Variants in CYTH1 observed in about 807,000 individuals in gnomAD.
The protein encoded by CYTH1 is cytohesin 1.
In CYTH1, 18 loss-of-function variants were observed where a neutral mutation model predicts 61.8. The ratio of observed to expected loss-of-function variants is 0.29; its 90% confidence interval spans 0.20 to 0.43. The LOEUF is 0.43. Ranked by LOEUF, CYTH1 falls within the 20% of genes least tolerant of loss-of-function variation. CYTH1 has a pLI of 1.00. For synonymous variants in CYTH1, 174 were observed against 184.3 expected (o/e 0.94, Z 0.45); for missense variants, 336 against 510.5 (o/e 0.66, Z 3.29).
At chr17:78,743,037 T>C (rs1318070318) in intron 1 of CYTH1, among the ~76,000 whole-genome samples, 3 of 152,182 alleles carry the variant, frequency 2.0e-5, no homozygotes, top group Non-Finnish European at 2.9e-5. Flanking sequence ...GTGTGGGCAT[T>C]TGTCCTGTGA....
intron 1 of CYTH1, chr17:78,736,656 C>T (rs769903187): frequency 3.5e-5 from 12 of 347,354 alleles, no homozygotes; most frequent in Admixed American, 1.4e-4. Context: ...CCCCAAGCCG[C>T]ATCAGTCCCG....
At chr17:78,688,644 C>A (rs1033970465) in intron 11 of CYTH1, among the ~76,000 whole-genome samples, 1 of 152,210 alleles carries the variant, frequency 6.6e-6, no homozygotes, top group Admixed American at 6.5e-5. Flanking sequence ...GCTTTCAGCG[C>A]AGACATATTT....
chr17:78,686,947 G>A (rs1419969977), intron 11 of CYTH1, among the ~76,000 whole-genome samples: 2 of 151,804 alleles, frequency 1.3e-5, no homozygotes, highest in African/African-American at 4.8e-5. Context: ...ACACTTGGCT[G>A]ATTTTTTATT....
chr17:78,776,225 C>T (rs2093490377), intron 1 of CYTH1, among the ~76,000 whole-genome samples: 1 of 152,078 alleles, frequency 6.6e-6, no homozygotes, highest in Admixed American at 6.5e-5. Context: ...CAGTCATTAG[C>T]CCCAAAATGA....
At chr17:78,776,187 G>T (rs975010557) in intron 1 of CYTH1, among the ~76,000 whole-genome samples, 1 of 152,016 alleles carries the variant, frequency 6.6e-6, no homozygotes, top group Admixed American at 6.6e-5. Flanking sequence ...GCTTAAAAAG[G>T]AAGTTCATAA....
chr17:78,696,123 T>A, intron 9 of CYTH1, 114 bp from the exon 10 acceptor site: 1 of 1,313,226 alleles, frequency 7.6e-7, no homozygotes, highest in African/African-American at 1.5e-5. Context: ...TAAAGTGCAA[T>A]GTATCAGTCA....
At chr17:78,701,407 A>G (rs181791579) in intron 6 of CYTH1, among the ~76,000 whole-genome samples, 1 of 152,336 alleles carries the variant, frequency 6.6e-6, no homozygotes, top group African/African-American at 2.4e-5. Context: ...AAATTTAAGT[A>G]TTCATCAATT....
chr17:78,680,118 C>T, intron 13 of CYTH1, 72 bp downstream of exon 13: 9 of 1,579,078 alleles, frequency 5.7e-6, no homozygotes, highest in Non-Finnish European at 7.8e-6. Context: ...TGTTTAACCA[C>T]TAAGATGATC....
intron 3 of CYTH1, among the ~76,000 whole-genome samples, chr17:78,706,499 T>G (rs958018982): frequency 3.6e-4 from 55 of 152,260 alleles, no homozygotes; most frequent in Non-Finnish European, 6.9e-4. Flanking sequence ...TGAGTAATAG[T>G]CTATTACCTC....
chr17:78,728,575 C>A (rs1206938215), intron 1 of CYTH1, among the ~76,000 whole-genome samples: 1 of 151,810 alleles, frequency 6.6e-6, no homozygotes, highest in Non-Finnish European at 1.5e-5. Context: ...TTTACATTAC[C>A]AACATGATGT....
chr17:78,684,166 C>A (rs1014119086), intron 11 of CYTH1, among the ~76,000 whole-genome samples: 3 of 152,210 alleles, frequency 2.0e-5, no homozygotes, highest in African/African-American at 7.2e-5. Flanking sequence ...CTGGCCCCCC[C>A]TCTTTCCTGC....
At chr17:78,754,767 T>G (rs1301820687) in intron 1 of CYTH1, among the ~76,000 whole-genome samples, 1 of 152,212 alleles carries the variant, frequency 6.6e-6, no homozygotes, top group Non-Finnish European at 1.5e-5. Context: ...AATAACATAC[T>G]TATAAAAATC....
intron 1 of CYTH1, among the ~76,000 whole-genome samples, chr17:78,726,786 C>G (rs952665655): frequency 6.6e-6 from 1 of 152,052 alleles, no homozygotes; most frequent in Non-Finnish European, 1.5e-5. Context: ...GAGCAAGAAG[C>G]GGCAGCCAGG....
At chr17:78,684,564 C>T (rs755030111) in intron 11 of CYTH1, among the ~76,000 whole-genome samples, 13 of 152,200 alleles carry the variant, frequency 8.5e-5, no homozygotes, top group Non-Finnish European at 1.2e-4. Flanking sequence ...TGTAAAAATA[C>T]GAATTGCTTA....
At chr17:78,775,486 GA>G (rs1276697141) in intron 1 of CYTH1, among the ~76,000 whole-genome samples, 2 of 152,144 alleles carry the variant, frequency 1.3e-5, no homozygotes, top group African/African-American at 4.8e-5. Context: ...TTCCTCTACA[GA>G]GAAAGTGAAA....
intron 1 of CYTH1, among the ~76,000 whole-genome samples, chr17:78,771,747 G>GAAAGA (rs951208771): frequency 3.4e-5 from 5 of 145,668 alleles, no homozygotes; most frequent in African/African-American, 1.0e-4. Context: ...AAAAAAAAAA[G>GAAAGA]AAAGAAAAGA....
At chr17:78,711,884 T>C (rs1437174467) in intron 1 of CYTH1, among the ~76,000 whole-genome samples, 1 of 151,774 alleles carries the variant, frequency 6.6e-6, no homozygotes, top group Admixed American at 6.6e-5. Flanking sequence ...GGGACCAGCA[T>C]GGACAACATG....
chr17:78,761,959 T>C (rs575471403), intron 1 of CYTH1, among the ~76,000 whole-genome samples: 3 of 152,310 alleles, frequency 2.0e-5, no homozygotes, highest in Admixed American at 6.5e-5. Context: ...ACATAAACGT[T>C]TGAAAGAGTA....
chr17:78,731,068 C>G (rs968218133), intron 1 of CYTH1, among the ~76,000 whole-genome samples: 2 of 152,126 alleles, frequency 1.3e-5, no homozygotes, highest in African/African-American at 4.8e-5. Flanking sequence ...CCATTTTTCC[C>G]CTAGTGTATT....
Sources: allele counts gnomAD v4.1 joint callset (sites outside exome capture counted in the v4.1 genomes callset), GRCh38; gene constraint gnomAD v4.1.1; transcripts MANE v1.5; gene names NCBI Gene and HGNC (gene_info 2026-07-23, HGNC 2026-07-21).